ITPR1: variants seen among roughly 807,000 people sequenced by gnomAD.
ITPR1 encodes the protein inositol 1,4,5-trisphosphate receptor type 1.
Under a neutral mutation model 318.4 loss-of-function variants are expected in ITPR1, and 96 were observed. The observed-to-expected ratio is 0.30, with a 90% CI of 0.26 to 0.36. The LOEUF (loss-of-function observed/expected upper bound fraction) is 0.36, where lower values mean the gene tolerates loss of function less well. Among genes scored for constraint, ITPR1 ranks in the 10% least tolerant of loss-of-function variants. The probability of loss-of-function intolerance (pLI) is 1.00; values close to 1 mark genes in which losing one functional copy is unlikely to be tolerated. For synonymous variants in ITPR1, 1,312 were observed against 1,289.9 expected (o/e 1.02, Z -0.37); for missense variants, 2,440 against 3,460.2 (o/e 0.71, Z 7.40).
chr3:4,515,518 A>G (rs921971467), intron 2 of ITPR1, among the ~76,000 whole-genome samples: 1 of 152,212 alleles, frequency 6.6e-6, no homozygotes, highest in Admixed American at 6.5e-5. Flanking sequence ...GCTGCAGTCC[A>G]CACCAGCACA....
chr3:4,846,246 G>T lies in ITPR1; in HGVS notation c.*21G>T, dbSNP rs1351884924. ...CATAAGCAAATGAAAGAAAGGAATT[G>T]TATTTACCTTTTATAATTATTATTA... On this transcript the variant is annotated 3_prime_UTR_variant, in exon 62 of 62. Transcript: ENST00000649015. The T allele has an allele frequency of 4.1e-6, 6 of 1,463,166 alleles. No individual in the cohort carries two copies. The highest frequency in any genetic ancestry group is 4.7e-6 in the Non-Finnish European group (5 of 1,066,730). 90.6% of individuals were successfully genotyped at this position (1,463,166 alleles called of 1,614,324 possible).
chr3:4,617,111 A>C (rs1310246983), intron 4 of ITPR1, among the ~76,000 whole-genome samples: 1 of 151,984 alleles, frequency 6.6e-6, no homozygotes, highest in Non-Finnish European at 1.5e-5. Flanking sequence ...ACTTACTTTG[A>C]CTTATACCAG....
chr3:4,693,075 G>A (rs2094504268), intron 32 of ITPR1, among the ~76,000 whole-genome samples: 1 of 152,174 alleles, frequency 6.6e-6, no homozygotes, highest in Non-Finnish European at 1.5e-5. Flanking sequence ...GGTGAGCCGA[G>A]ATCACGGCAT....
At chr3:4,737,410 AG>A (rs1276725609) in intron 44 of ITPR1, among the ~76,000 whole-genome samples, 2 of 152,174 alleles carry the variant, frequency 1.3e-5, no homozygotes, top group African/African-American at 4.8e-5. Flanking sequence ...TGGGACTGAA[AG>A]GGGGAAATTG....
chr3:4,493,696 T>G (rs304076), intron 1 of ITPR1, 91 bp downstream of exon 1: 93,810 of 151,864 alleles, frequency 0.62, 29,156 homozygotes, highest in East Asian at 0.79. Context: ...GAGATCTTGA[T>G]GGATGTGCAT....
At chr3:4,517,806 C>A (rs990297966) in intron 3 of ITPR1, among the ~76,000 whole-genome samples, 1 of 152,178 alleles carries the variant, frequency 6.6e-6, no homozygotes, top group Non-Finnish European at 1.5e-5. Context: ...TGGTTGGCTC[C>A]TTCCTGTTTT....
intron 38 of ITPR1, among the ~76,000 whole-genome samples, chr3:4,711,285 T>C (rs2041350232): frequency 6.6e-6 from 1 of 151,578 alleles, no homozygotes; most frequent in Non-Finnish European, 1.5e-5. Context: ...GGCTGGACTC[T>C]GCATGTGAGT....
At chr3:4,647,465 A>G (rs2093485250) in intron 10 of ITPR1, among the ~76,000 whole-genome samples, 1 of 152,154 alleles carries the variant, frequency 6.6e-6, no homozygotes, top group African/African-American at 2.4e-5. Context: ...ATGGTATGGT[A>G]TGGCATGGTA....
At chr3:4,741,258 A>G (rs1273965166) in intron 44 of ITPR1, among the ~76,000 whole-genome samples, 1 of 152,128 alleles carries the variant, frequency 6.6e-6, no homozygotes, top group Non-Finnish European at 1.5e-5. Flanking sequence ...ATATATGCTG[A>G]CATGACCATA....
intron 61 of ITPR1, among the ~76,000 whole-genome samples, chr3:4,844,867 G>A (rs1253115907): frequency 2.0e-5 from 3 of 152,212 alleles, no homozygotes; most frequent in Admixed American, 6.5e-5. Context: ...TTTGATTTGA[G>A]AGGATAATGC....
intron 4 of ITPR1, 21 bp downstream of exon 4, chr3:4,521,115 G>T: frequency 6.4e-7 from 1 of 1,572,544 alleles, no homozygotes; most frequent in South Asian, 1.1e-5. Context: ...GGCTTTCCTG[G>T]AGTAGTCACC....
In ITPR1 at chr3:4,662,250, C is replaced by G; in HGVS notation, c.1412+8C>G. ...CACCCAGAATGAAAGGAGGTGAGCA[C>G]TCCCGCATGCTCAGCACAGCCGCCC... is the stretch of plus-strand genomic sequence containing the variant. On this transcript the variant is annotated splice_region_variant and intron_variant, in intron 15 of 61. Transcript: ENST00000649015. 1 of 1,583,590 alleles carries G rather than the reference C, an allele frequency of 6.3e-7. No homozygotes were observed. The highest frequency in any genetic ancestry group is 8.6e-7 in the Non-Finnish European group (1 of 1,163,168).
intron 4 of ITPR1, among the ~76,000 whole-genome samples, chr3:4,624,125 T>A (rs2092737008): frequency 6.6e-6 from 1 of 152,174 alleles, no homozygotes; most frequent in African/African-American, 2.4e-5. Context: ...GTCCCCCACA[T>A]CTACCTAAAT....
intron 15 of ITPR1, among the ~76,000 whole-genome samples, chr3:4,662,819 G>C (rs2093865029): frequency 6.6e-6 from 1 of 152,238 alleles, no homozygotes; most frequent in Non-Finnish European, 1.5e-5. Context: ...AGGGAATGAG[G>C]TTACTCTGAG....
At chr3:4,722,597 A>G (rs554184174) in intron 40 of ITPR1, among the ~76,000 whole-genome samples, 2 of 152,204 alleles carry the variant, frequency 1.3e-5, no homozygotes, top group South Asian at 2.1e-4. Flanking sequence ...TAATATGCTT[A>G]TATTTATTGA....
chr3:4,698,144 T>A (rs2094588755), intron 34 of ITPR1, among the ~76,000 whole-genome samples: 1 of 152,144 alleles, frequency 6.6e-6, no homozygotes, highest in Non-Finnish European at 1.5e-5. Context: ...TTTGTGATGG[T>A]GGAATTTGGC....
At chr3:4,597,278 T>C (rs1023502621) in intron 4 of ITPR1, among the ~76,000 whole-genome samples, 5 of 152,330 alleles carry the variant, frequency 3.3e-5, no homozygotes. Context: ...GTGAGCTGGA[T>C]TTGGCTTGAA....
chr3:4,800,339 A>C, intron 53 of ITPR1, 86 bp from the exon 54 acceptor site: 1 of 1,379,554 alleles, frequency 7.2e-7, no homozygotes, highest in Non-Finnish European at 1.0e-6. Flanking sequence ...GTTATTGAGG[A>C]ATCTGTAACA....
intron 10 of ITPR1, among the ~76,000 whole-genome samples, chr3:4,650,032 A>G (rs956188567): frequency 1.3e-5 from 2 of 152,242 alleles, no homozygotes; most frequent in Non-Finnish European, 2.9e-5. Flanking sequence ...TTGAAAGTGT[A>G]TTCATATTGC....
Sources: gnomAD v4.1 joint callset for allele counts (sites outside exome capture counted in the v4.1 genomes callset) on GRCh38, gnomAD v4.1.1 for gene constraint, MANE v1.5 for transcripts, NCBI Gene and HGNC (gene_info 2026-07-23, HGNC 2026-07-21) for gene names.